NAV2: variants seen among roughly 807,000 people sequenced by gnomAD.
NAV2 encodes the protein neuron navigator 2.
NAV2 carries 54 observed loss-of-function variants against 223.2 expected under a neutral mutation model. The observed-to-expected ratio is 0.24, with a 90% CI of 0.19 to 0.30. The LOEUF is 0.30. Among genes scored for constraint, NAV2 ranks in the 10% least tolerant of loss-of-function variants. The probability of loss-of-function intolerance (pLI) is 1.00; values close to 1 mark genes in which losing one functional copy is unlikely to be tolerated. For synonymous variants in NAV2, 1,279 were observed against 1,239.3 expected, an observed-to-expected ratio of 1.03 and a Z score of -0.67; for missense variants, 2,806 against 3,147.5, an observed-to-expected ratio of 0.89 and a Z score of 2.60.
In NAV2 at chr11:19,946,393, C is replaced by G. The variant is rs760005632; in HGVS notation, c.2147-8C>G. On this transcript the variant is annotated splice_polypyrimidine_tract_variant and splice_region_variant and intron_variant, in intron 8 of 37. Transcript: ENST00000349880. ...GAATTAAACTAGTCTTAACCCTCATCTTTCTAGGGGAAGATCCTGAGGCTC... is the reference window on the plus strand; with the variant it reads ...GAATTAAACTAGTCTTAACCCTCATGTTTCTAGGGGAAGATCCTGAGGCTC... 1.2e-6 allele frequency: 2 copies of G among 1,610,196 alleles called. No homozygotes were observed. Among genetic ancestry groups the G allele is most frequent in the East Asian group, 2.2e-5 (1 of 44,810 alleles).
chr11:19,817,164 G>A (rs2059134670), intron 1 of NAV2, among the ~76,000 whole-genome samples: 1 of 152,098 alleles, frequency 6.6e-6, no homozygotes, highest in Non-Finnish European at 1.5e-5. Context: ...AATAAGCAAT[G>A]TACACCTTAT....
At chr11:19,359,427 T>C (rs1403243739) in intron 1 of NAV2, among the ~76,000 whole-genome samples, 1 of 152,226 alleles carries the variant, frequency 6.6e-6, no homozygotes, top group East Asian at 1.9e-4. Context: ...TGTTGGCTGA[T>C]CATTTATAGG....
chr11:19,693,845 T>G (rs1182173728), intron 1 of NAV2, among the ~76,000 whole-genome samples: 1 of 152,214 alleles, frequency 6.6e-6, no homozygotes, highest in Admixed American at 6.5e-5. Context: ...TACGGTCTTC[T>G]TTAGAAAGAT....
rs1564945407 is a variant in NAV2, at chr11:20,055,705, C to T, written c.4643-64C>T. 6.9e-6 allele frequency: 10 copies of T among 1,456,660 alleles called. 1 individual carries two copies. The Admixed American group carries it at 1.8e-4, about 27-fold the overall frequency. 90.2% of individuals were successfully genotyped at this position (1,456,660 alleles called of 1,614,324 possible). ...AAAAATAAGCAGTCTTCTCTTTGTCCCCAACCAGGATTTGAACAGAGACAT... is the reference window on the plus strand; with the variant it reads ...AAAAATAAGCAGTCTTCTCTTTGTCTCCAACCAGGATTTGAACAGAGACAT... On this transcript the variant is annotated intron_variant, in intron 18 of 37. Transcript: ENST00000349880.
intron 1 of NAV2, among the ~76,000 whole-genome samples, chr11:19,473,711 C>A (rs1357537121): frequency 6.6e-6 from 1 of 151,942 alleles, no homozygotes; most frequent in African/African-American, 2.4e-5. Flanking sequence ...GTGCCTCACC[C>A]AGGTCCCCTC....
chr11:19,964,809 CTTTTTTTT>C (rs71050695), intron 10 of NAV2, among the ~76,000 whole-genome samples: 5 of 57,526 alleles, frequency 8.7e-5, no homozygotes, highest in South Asian at 6.6e-4. Flanking sequence ...CCTCATTCTA[CTTTTTTTT>C]TTTTTTTTTT....
At position 19,913,694 on chromosome 11, in the gene NAV2, A is replaced by G. The variant is rs563427385; in HGVS notation, c.932-19482A>G. Among the ~76,000 whole-genome samples, 10 of 152,308 alleles carry G rather than the reference A, an allele frequency of 6.6e-5. No individual in the cohort carries two copies. The East Asian group carries it at 1.7e-3, about 26-fold the overall frequency. ...TCAAAACTCTGGTTCCAGATCTGCT[A>G]CTAATTCAGAGTGACCTTGAGTAGC... is the stretch of plus-strand genomic sequence containing the variant. On this transcript the variant is annotated intron_variant, in intron 6 of 37. Coordinates refer to ENST00000349880, the MANE Select transcript of NAV2 (RefSeq NM_145117.5).
chr11:19,898,060 A>G (rs1051182405), intron 6 of NAV2, among the ~76,000 whole-genome samples: 4 of 151,916 alleles, frequency 2.6e-5, no homozygotes, highest in South Asian at 2.1e-4. Flanking sequence ...GTCCTCTCAC[A>G]TCCTTTGAAT....
chr11:19,673,812 G>C (rs1223963004), intron 1 of NAV2, among the ~76,000 whole-genome samples: 2 of 152,082 alleles, frequency 1.3e-5, no homozygotes, highest in African/African-American at 4.8e-5. Flanking sequence ...AGGGCTCAGG[G>C]GCAGGGTCCC....
At chr11:19,460,758 G>A (rs978012641) in intron 1 of NAV2, among the ~76,000 whole-genome samples, 7 of 151,998 alleles carry the variant, frequency 4.6e-5, no homozygotes, top group South Asian at 4.2e-4. Context: ...TGCATGTTGC[G>A]CACATGTATC....
Position 20,107,276 on chromosome 11 carries a change from C to T in NAV2, c.6842-388C>T, listed in dbSNP as rs544238014. 563 of 149,838 alleles carry T rather than the reference C, an allele frequency of 3.8e-3. 6 individuals carry two copies. The highest frequency in any genetic ancestry group is 6.4e-3 in the Non-Finnish European group (434 of 68,046). 9.3% of individuals were successfully genotyped at this position (149,838 alleles called of 1,614,324 possible). On this transcript the variant is annotated intron_variant, in intron 35 of 37. Transcript: ENST00000349880. ...TTTTTTTTTGTATTTTTAGTAGATA[C>T]GGTGTTTCACCGTGTTAGCCAGGAT...
chr11:19,493,543 G>A (rs967233731), intron 1 of NAV2, among the ~76,000 whole-genome samples: 4 of 152,028 alleles, frequency 2.6e-5, no homozygotes, highest in Admixed American at 6.5e-5. Flanking sequence ...AAAAAAGCTC[G>A]GCATCCCTGA....
At chr11:19,994,573 T>TA (rs1230243090) in intron 11 of NAV2, among the ~76,000 whole-genome samples, 1 of 128,352 alleles carries the variant, frequency 7.8e-6, no homozygotes, top group African/African-American at 2.9e-5. Context: ...AAAAAAAGAG[T>TA]AAAAAAAGAA....
chr11:19,885,551 C>G (rs1320594612), intron 5 of NAV2, among the ~76,000 whole-genome samples: 2 of 152,114 alleles, frequency 1.3e-5, no homozygotes, highest in Non-Finnish European at 2.9e-5. Context: ...TCATTGAATT[C>G]CATATTCTTA....
Position 19,998,189 on chromosome 11 carries a change from C to T in NAV2, c.2768+13942C>T, listed in dbSNP as rs2052118894. The stretch of plus-strand genomic sequence containing the variant: ...ACTGAAGAGTTTTCCTCCCCCTTTT[C>T]CTTCCAGTCGGCAAACTCCCCCCAA... On this transcript the variant is annotated intron_variant, in intron 11 of 37. Coordinates refer to ENST00000349880, the MANE Select transcript of NAV2 (RefSeq NM_145117.5). The surrounding 1 kb of genome is among the most constrained non-coding windows in gnomAD (Gnocchi z 5.0). Among the ~76,000 whole-genome samples, 1 of 152,036 alleles carries T rather than the reference C, an allele frequency of 6.6e-6. No individual in the cohort carries two copies. Among genetic ancestry groups the T allele is most frequent in the Non-Finnish European group, 1.5e-5 (1 of 67,990 alleles).
chr11:19,970,090 A>G (rs1295336710), intron 10 of NAV2, among the ~76,000 whole-genome samples: 1 of 152,248 alleles, frequency 6.6e-6, no homozygotes, highest in Non-Finnish European at 1.5e-5. Flanking sequence ...ATACTCACCC[A>G]ATGTGAGACC....
At chr11:19,378,126 T>C (rs190903904) in intron 1 of NAV2, among the ~76,000 whole-genome samples, 5 of 152,314 alleles carry the variant, frequency 3.3e-5, no homozygotes, top group Admixed American at 3.3e-4. Context: ...ACAAGCTCCA[T>C]GTGCAGTGAA....
At chr11:19,609,649 G>T (rs2046580067) in intron 1 of NAV2, among the ~76,000 whole-genome samples, 1 of 152,170 alleles carries the variant, frequency 6.6e-6, no homozygotes, top group Non-Finnish European at 1.5e-5. Context: ...TACCCCAAGG[G>T]CTAAGCAGAG....
chr11:19,486,933 C>T (rs920082966), intron 1 of NAV2, among the ~76,000 whole-genome samples: 1 of 152,188 alleles, frequency 6.6e-6, no homozygotes, highest in African/African-American at 2.4e-5. Context: ...GCAAGCCCCA[C>T]AGGATGCCTA....
Sources: allele counts gnomAD v4.1 joint callset (sites outside exome capture counted in the v4.1 genomes callset), GRCh38; gene constraint gnomAD v4.1.1; non-coding constraint Gnocchi (gnomAD v3.1); transcripts MANE v1.5; gene names NCBI Gene and HGNC (gene_info 2026-07-23, HGNC 2026-07-21).